The following SLC27A2 variants were observed in gnomAD, a reference collection of about 807,000 sequenced individuals.
SLC27A2 encodes the protein solute carrier family 27 member 2.
Under a neutral mutation model 60.0 loss-of-function variants are expected in SLC27A2, and 54 were observed. The observed-to-expected ratio is 0.90, with a 90% CI of 0.72 to 1.13. The LOEUF (loss-of-function observed/expected upper bound fraction) is 1.13, where lower values mean the gene tolerates loss of function less well. SLC27A2 is among the 50% of genes most tolerant of loss of function. SLC27A2 has a pLI of 0.00. For missense variants in SLC27A2, 739 were observed against 777.6 expected, an observed-to-expected ratio of 0.95 and a Z score of 0.59; for synonymous variants, 297 against 297.6, an observed-to-expected ratio of 1.00 and a Z score of 0.02.
chr15:50,235,729 C>T lies in SLC27A2; in HGVS notation c.1687-191C>T, dbSNP rs575386668. 2.6e-5 allele frequency among the ~76,000 whole-genome samples: 4 copies of T among 152,284 alleles called. No individual in the cohort carries two copies. In the South Asian group the frequency reaches 8.3e-4, roughly 32 times the overall value. On this transcript the variant is annotated intron_variant, in intron 9 of 9. Transcript: ENST00000267842. Reference sequence around the variant, plus strand: ...CATCATATTGTACATGAGAAAAACACACAATGTTATCTGTCCATTTAAAAA... The same window carrying T: ...CATCATATTGTACATGAGAAAAACATACAATGTTATCTGTCCATTTAAAAA...
rs149897108 is a variant in SLC27A2, at chr15:50,182,568, G to C, written c.141G>C (p.Gly47=). The C allele has an allele frequency of 4.3e-6, 7 of 1,611,594 alleles. No homozygotes were observed. In the African/African-American group the frequency reaches 9.3e-5, roughly 21 times the overall value. Residue 47 remains glycine, a synonymous_variant, in exon 1 of 10, where the codon GGG becomes GGC. Coordinates refer to ENST00000267842, the MANE Select transcript of SLC27A2 (RefSeq NM_003645.4). ...TGGGCCGGAGGGTGCGCAGCTACGG[G>C]AAGCGGCGGCCGGCGCGCACCATCC... is the stretch of plus-strand genomic sequence containing the variant. The part of the protein sequence containing the change: ...AAVGRRVRSY[G]KRRPARTILR...
chr15:50,210,750 G>A (rs2045148190), intron 4 of SLC27A2, among the ~76,000 whole-genome samples: 1 of 152,166 alleles, frequency 6.6e-6, no homozygotes, highest in Non-Finnish European at 1.5e-5. Flanking sequence ...AAGTTTTCAA[G>A]CCTGACTCGC....
chr15:50,218,532 T>C (rs772382924), intron 4 of SLC27A2, among the ~76,000 whole-genome samples: 1 of 152,108 alleles, frequency 6.6e-6, no homozygotes, highest in Non-Finnish European at 1.5e-5. Flanking sequence ...CAAAAAAAGA[T>C]AGTGAAAGTT....
chr15:50,202,645 G>A lies in SLC27A2; in HGVS notation c.847G>A (p.Gly283Ser), dbSNP rs189611948. ...TGGCATTCACGGATGTATTGTGGCT[G>A]GTAAGCTTTTTCTACAAAATGTTGG... ...LIGIHGCIVA[G>S]ATLALRTKFS... is the part of the protein sequence containing the mutation. The change falls in exon 3 of 10, where the codon GGT becomes AGT. Residue 283 changes from glycine to serine, a missense_variant and splice_region_variant. Transcript: ENST00000267842. The A allele has an allele frequency of 5.6e-6, 9 of 1,610,820 alleles. No homozygotes were observed. Among genetic ancestry groups the A allele is most frequent in the African/African-American group, 4.0e-5 (3 of 74,962 alleles).
At chr15:50,186,403 A>G (rs2044922773) in intron 1 of SLC27A2, among the ~76,000 whole-genome samples, 1 of 149,628 alleles carries the variant, frequency 6.7e-6, no homozygotes, top group South Asian at 2.2e-4. Context: ...GAAACAGTCT[A>G]GTTTCCCATT....
At position 50,202,587 on chromosome 15, in the gene SLC27A2, T is replaced by A; in HGVS notation, c.789T>A (p.Thr263=). The A allele has an allele frequency of 6.2e-7, 1 of 1,614,204 alleles. No homozygotes were observed. The highest frequency in any genetic ancestry group is 2.2e-5 in the East Asian group (1 of 44,886). The change falls in exon 3 of 10, where the codon ACT becomes ACA. Residue 263 remains threonine (T), a synonymous_variant. Coordinates refer to ENST00000267842, the MANE Select transcript of SLC27A2 (RefSeq NM_003645.4). The stretch of plus-strand genomic sequence containing the variant: ...AGGCAGATGATGTCATCTATATCAC[T>A]CTGCCCTTTTACCACAGTGCTGCAC... ...GLKADDVIYI[T]LPFYHSAALL...
chr15:50,202,927 C>G (rs982748349), intron 3 of SLC27A2, among the ~76,000 whole-genome samples: 11 of 151,828 alleles, frequency 7.2e-5, no homozygotes, highest in Admixed American at 7.2e-4. Flanking sequence ...CACCTGTATT[C>G]CCAGCACTTT....
intron 1 of SLC27A2, among the ~76,000 whole-genome samples, chr15:50,189,773 A>AG (rs1354820767): frequency 2.0e-5 from 3 of 152,204 alleles, no homozygotes; most frequent in Non-Finnish European, 4.4e-5. Flanking sequence ...CTCTGAGAAA[A>AG]GGGAAGTAGA....
chr15:50,194,322 A>T (rs2044997308), intron 1 of SLC27A2, among the ~76,000 whole-genome samples: 1 of 152,168 alleles, frequency 6.6e-6, no homozygotes, highest in African/African-American at 2.4e-5. Context: ...GGAGTTTTCC[A>T]GGTGACCAGG....
At chr15:50,215,841 C>T (rs189742382) in intron 4 of SLC27A2, among the ~76,000 whole-genome samples, 2 of 152,262 alleles carry the variant, frequency 1.3e-5, no homozygotes, top group African/African-American at 4.8e-5. Context: ...AAACCTGACA[C>T]GCGAAACTAT....
At chr15:50,183,861 A>G (rs1478025464) in intron 1 of SLC27A2, among the ~76,000 whole-genome samples, 5 of 152,008 alleles carry the variant, frequency 3.3e-5, no homozygotes, top group African/African-American at 1.2e-4. Flanking sequence ...CCTATAGTAG[A>G]TGCTTTTATT....
intron 1 of SLC27A2, among the ~76,000 whole-genome samples, chr15:50,186,991 T>C (rs2044930302): frequency 6.6e-6 from 1 of 152,254 alleles, no homozygotes; most frequent in Non-Finnish European, 1.5e-5. Flanking sequence ...AGTCAAATTC[T>C]GCAGTATATG....
rs879679630 is a variant in SLC27A2, at chr15:50,203,697, C to A, written c.847+1052C>A. Among the ~76,000 whole-genome samples, 16 of 152,074 alleles carry A rather than the reference C, an allele frequency of 1.1e-4. 1 individual carries two copies. Among genetic ancestry groups the A allele is most frequent in the Admixed American group, 1.0e-3 (16 of 15,268 alleles). On this transcript the variant is annotated intron_variant, in intron 3 of 9. Transcript: ENST00000267842. The stretch of plus-strand genomic sequence containing the variant: ...GTTATGGATGGATATTTGTGTCCCC[C>A]AAAAATGTATATGTTGAAATCCTAA...
In SLC27A2 at chr15:50,188,110, T is replaced by C. The variant is rs535064320; in HGVS notation, c.478+5205T>C. 7.9e-5 allele frequency among the ~76,000 whole-genome samples: 12 copies of C among 152,210 alleles called. No individual in the cohort carries two copies. The South Asian group carries it at 2.3e-3, about 29-fold the overall frequency. ...AGAACTAAACCGCATGCACAAATGA[T>C]TGTGACACCCAGTAGAATGTGCTCA... is the stretch of plus-strand genomic sequence containing the variant. On this transcript the variant is annotated intron_variant, in intron 1 of 9. Transcript: ENST00000267842.
At chr15:50,234,145 T>C (rs939078967) in intron 9 of SLC27A2, 147 bp downstream of exon 9, 2 of 788,236 alleles carry the variant, frequency 2.5e-6, no homozygotes, top group African/African-American at 3.5e-5. Context: ...CATAGACCAA[T>C]AAGGAAGTGG....
intron 8 of SLC27A2, among the ~76,000 whole-genome samples, chr15:50,231,697 G>A (rs1036834906): frequency 1.3e-5 from 2 of 152,112 alleles, no homozygotes; most frequent in African/African-American, 4.8e-5. Context: ...CTAATGATCA[G>A]TGAGTTCTGG....
chr15:50,225,587 AC>A (rs1567437152), intron 5 of SLC27A2, among the ~76,000 whole-genome samples: 1 of 152,244 alleles, frequency 6.6e-6, no homozygotes, highest in Non-Finnish European at 1.5e-5. Flanking sequence ...TAATCCAAAT[AC>A]CCATTAACAG....
At chr15:50,188,339 T>G (rs143682868) in intron 1 of SLC27A2, among the ~76,000 whole-genome samples, 6 of 152,156 alleles carry the variant, frequency 3.9e-5, no homozygotes, top group Non-Finnish European at 8.8e-5. Context: ...ACAATGGCAG[T>G]CTGGACCTAA....
At chr15:50,200,524 C>A (rs1341289587) in intron 2 of SLC27A2, among the ~76,000 whole-genome samples, 3 of 152,146 alleles carry the variant, frequency 2.0e-5, no homozygotes, top group African/African-American at 7.2e-5. Context: ...AGGTTGCTAG[C>A]CATATTTGTC....
Sources: allele counts gnomAD v4.1 joint callset (sites outside exome capture counted in the v4.1 genomes callset), GRCh38; gene constraint gnomAD v4.1.1; transcripts MANE v1.5; gene names NCBI Gene and HGNC (gene_info 2026-07-23, HGNC 2026-07-21).